Variants in SLC24A2 observed in about 807,000 individuals in gnomAD.
SLC24A2 encodes the protein sodium/potassium/calcium exchanger 2.
In SLC24A2, 36 loss-of-function variants were observed where a neutral mutation model predicts 62.0. The observed-to-expected ratio is 0.58, with a 90% CI of 0.44 to 0.77. The LOEUF is 0.77. Among genes scored for constraint, SLC24A2 ranks in the 30% least tolerant of loss-of-function variants. SLC24A2 has a pLI of 0.00. For missense variants in SLC24A2, 846 were observed against 817.9 expected (o/e 1.03, Z -0.42); for synonymous variants, 358 against 294.0 (o/e 1.22, Z -2.23).
chr9:19,882,999 C>T, the SLC24A2 span, among the ~76,000 whole-genome samples: 15 of 152,132 alleles, frequency 9.9e-5, no homozygotes, highest in East Asian at 1.9e-4. Context: ...ATCCCAAATA[C>T]GGCATAATTT....
At chr9:20,032,143 T>C in the SLC24A2 span, among the ~76,000 whole-genome samples, 1 of 152,196 alleles carries the variant, frequency 6.6e-6, no homozygotes, top group Non-Finnish European at 1.5e-5. Context: ...TCAGTTTTTG[T>C]TACCCTGGAC....
chr9:19,946,115 C>T, the SLC24A2 span, among the ~76,000 whole-genome samples: 1 of 152,156 alleles, frequency 6.6e-6, no homozygotes, highest in Non-Finnish European at 1.5e-5. Context: ...CCCTTTTTAA[C>T]CCTCATTGAA....
chr9:20,069,574 C>G, the SLC24A2 span, among the ~76,000 whole-genome samples: 1 of 152,284 alleles, frequency 6.6e-6, no homozygotes, highest in East Asian at 1.9e-4. Context: ...CTTTAAAGAT[C>G]ACAATTCTCT....
the SLC24A2 span, among the ~76,000 whole-genome samples, chr9:20,177,414 T>A: frequency 6.6e-6 from 1 of 152,150 alleles, no homozygotes; most frequent in Non-Finnish European, 1.5e-5. Flanking sequence ...TACTTTGTCT[T>A]CTTTGTTGCA....
chr9:19,671,795 T>G (rs1251532838), intron 2 of SLC24A2, among the ~76,000 whole-genome samples: 1 of 148,094 alleles, frequency 6.8e-6, no homozygotes, highest in African/African-American at 2.6e-5. Flanking sequence ...ATGCTTTTCC[T>G]GCATCTATTG....
At chr9:19,580,369 C>G (rs535170790) in intron 5 of SLC24A2, among the ~76,000 whole-genome samples, 1 of 152,356 alleles carries the variant, frequency 6.6e-6, no homozygotes, top group East Asian at 1.9e-4. Context: ...ATGTGTAATC[C>G]TTCAGGGTGG....
the SLC24A2 span, among the ~76,000 whole-genome samples, chr9:19,969,153 C>T: frequency 1.4e-4 from 21 of 148,328 alleles, no homozygotes; most frequent in Admixed American, 8.2e-4. Context: ...AAAGGGAATT[C>T]CCTAACCTCT....
At chr9:19,966,068 T>C in the SLC24A2 span, among the ~76,000 whole-genome samples, 1 of 152,222 alleles carries the variant, frequency 6.6e-6, no homozygotes, top group Non-Finnish European at 1.5e-5. Flanking sequence ...TCTCAACAGA[T>C]GCATAATTTA....
chr9:20,202,057 G>A, the SLC24A2 span, among the ~76,000 whole-genome samples: 2 of 137,620 alleles, frequency 1.5e-5, no homozygotes, highest in Non-Finnish European at 3.0e-5. Flanking sequence ...CATGGTGTGT[G>A]TGTGTGTGTG....
the SLC24A2 span, among the ~76,000 whole-genome samples, chr9:20,148,736 G>A: frequency 6.6e-5 from 10 of 152,018 alleles, no homozygotes; most frequent in Admixed American, 5.3e-4. Flanking sequence ...AAGAGAAATA[G>A]CACTTGTCCC....
intron 2 of SLC24A2, among the ~76,000 whole-genome samples, chr9:19,761,066 A>T (rs1822309592): frequency 6.6e-6 from 1 of 152,214 alleles, no homozygotes; most frequent in Non-Finnish European, 1.5e-5. Flanking sequence ...TATAATAAAA[A>T]AATAAATTAA....
the SLC24A2 span, among the ~76,000 whole-genome samples, chr9:20,074,356 A>G: frequency 1.3e-5 from 2 of 151,924 alleles, no homozygotes. Flanking sequence ...AGAAATTGAC[A>G]TGGCATCATT....
At chr9:19,635,836 G>A (rs933166874) in intron 2 of SLC24A2, among the ~76,000 whole-genome samples, 9 of 152,040 alleles carry the variant, frequency 5.9e-5, no homozygotes, top group Admixed American at 2.0e-4. Flanking sequence ...GCCTTTAAAC[G>A]TTTCATATGT....
chr9:19,613,643 T>C (rs951250075), intron 4 of SLC24A2, among the ~76,000 whole-genome samples: 1 of 152,026 alleles, frequency 6.6e-6, no homozygotes, highest in Non-Finnish European at 1.5e-5. Context: ...GTGGTAGCAG[T>C]AGTAGTAGTA....
chr9:19,552,756 C>T (rs1260509933), intron 7 of SLC24A2, among the ~76,000 whole-genome samples: 2 of 152,218 alleles, frequency 1.3e-5, no homozygotes, highest in Non-Finnish European at 2.9e-5. Context: ...GACATTTCAT[C>T]AATAACCCTT....
chr9:19,521,087 C>G, intron 9 of SLC24A2, 27 bp from the exon 10 acceptor site: 1 of 1,610,486 alleles, frequency 6.2e-7, no homozygotes, highest in Non-Finnish European at 8.5e-7. Flanking sequence ...GAATAAACAT[C>G]TCAGTGTTTG....
the SLC24A2 span, among the ~76,000 whole-genome samples, chr9:19,919,938 C>A: frequency 2.6e-5 from 4 of 151,996 alleles, no homozygotes; most frequent in African/African-American, 4.8e-5. Context: ...TGGGTGGGGA[C>A]ACAGCCAAAC....
At chr9:20,268,734 G>C in the SLC24A2 span, among the ~76,000 whole-genome samples, 1 of 152,188 alleles carries the variant, frequency 6.6e-6, no homozygotes, top group Non-Finnish European at 1.5e-5. Context: ...CTTCAGGCTT[G>C]CCTCTCATGT....
chr9:19,679,541 C>T (rs1819654528), intron 2 of SLC24A2, among the ~76,000 whole-genome samples: 1 of 152,110 alleles, frequency 6.6e-6, no homozygotes, highest in Admixed American at 6.6e-5. Context: ...TAGCATTTGA[C>T]TCAGTAGACT....
Sources: allele counts gnomAD v4.1 joint callset (sites outside exome capture counted in the v4.1 genomes callset), GRCh38; gene constraint gnomAD v4.1.1; transcripts MANE v1.5; gene names NCBI Gene and HGNC (gene_info 2026-07-23, HGNC 2026-07-21).